The following ABCA5 variants were observed in gnomAD, a reference collection of about 807,000 sequenced individuals.
ABCA5 encodes ATP binding cassette subfamily A member 5.
ABCA5 carries 163 observed loss-of-function variants against 206.0 expected under a neutral mutation model. That is an observed-to-expected ratio of 0.79 (90% CI 0.70 to 0.90). The LOEUF (loss-of-function observed/expected upper bound fraction) is 0.90. ABCA5 is among the 40% of genes least tolerant of loss of function. The pLI is 0.00. For synonymous variants in ABCA5, 609 were observed against 613.8 expected (o/e 0.99, Z 0.11); for missense variants, 1,859 against 1,912.9 (o/e 0.97, Z 0.53).
At chr17:69,278,331 T>C (rs566464397) in intron 18 of ABCA5, among the ~76,000 whole-genome samples, 13 of 152,358 alleles carry the variant, frequency 8.5e-5, no homozygotes, top group Non-Finnish European at 1.3e-4. Flanking sequence ...CCAACTTTTA[T>C]GTGAACTTTT....
chr17:69,297,515 A>G (rs1477640421), intron 9 of ABCA5, among the ~76,000 whole-genome samples, 156 bp from the exon 10 acceptor site: 1 of 152,238 alleles, frequency 6.6e-6, no homozygotes, highest in Non-Finnish European at 1.5e-5. Context: ...ATAAATATAT[A>G]CAATTTTCAT....
At chr17:69,307,195 AT>A (rs2075727192) in intron 5 of ABCA5, among the ~76,000 whole-genome samples, 1 of 150,732 alleles carries the variant, frequency 6.6e-6, no homozygotes, top group African/African-American at 2.4e-5. Context: ...AAGTGTATAA[AT>A]TTTGATTAAA....
chr17:69,244,969 C>T lies in ABCA5; in HGVS notation c.*2568G>A, dbSNP rs1008631790. The T allele has an allele frequency of 1.3e-5, 2 of 150,512 alleles. No individual in the cohort carries two copies. The highest frequency in any genetic ancestry group is 3.0e-5 in the Non-Finnish European group (2 of 67,520). 9.3% of individuals were successfully genotyped at this position (150,512 alleles called of 1,614,324 possible). On this transcript the variant is annotated 3_prime_UTR_variant, in exon 39 of 39. Coordinates refer to ENST00000392676, the MANE Select transcript of ABCA5 (RefSeq NM_172232.4). ...TAAGTATCTATCTTACAGATCTCCACGATCTTACAGGGCCAAAACTGATAG... is the reference window on the plus strand; with the variant it reads ...TAAGTATCTATCTTACAGATCTCCATGATCTTACAGGGCCAAAACTGATAG...
At chr17:69,320,314 A>C (rs2075853088) in intron 1 of ABCA5, among the ~76,000 whole-genome samples, 1 of 152,190 alleles carries the variant, frequency 6.6e-6, no homozygotes, top group African/African-American at 2.4e-5. Context: ...TAGTGAGCTA[A>C]ATTGAAGCGT....
In ABCA5 at chr17:69,253,595, G is replaced by A. The variant is rs772643034; in HGVS notation, c.4393C>T (p.Pro1465Ser). 4 of 1,613,686 alleles carry A rather than the reference G, an allele frequency of 2.5e-6. No homozygotes were observed. The South Asian group carries it at 4.4e-5, about 18-fold the overall frequency. Residue 1465 changes from proline (P) to serine (S), a missense_variant, in exon 34 of 39, where the codon CCC (proline) becomes TCC (serine). Coordinates refer to ENST00000392676, the MANE Select transcript of ABCA5 (RefSeq NM_172232.4). The stretch of plus-strand genomic sequence containing the variant: ...CACCACATGTGCTGTTTGGCTTTGG[G>A]ATCCATACCTGTAGATGGTTCATCT... ...LLDEPSTGMD[P>S]KAKQHMWRAI... is the part of the protein sequence containing the mutation.
intron 1 of ABCA5, chr17:69,319,014 G>A: frequency 2.2e-6 from 1 of 447,168 alleles, no homozygotes; most frequent in Admixed American, 3.2e-5. Context: ...AAAAGGGCCT[G>A]TTTTACTATG....
intron 15 of ABCA5, 94 bp downstream of exon 15, chr17:69,287,519 G>A: frequency 7.1e-7 from 1 of 1,414,256 alleles, no homozygotes; most frequent in Non-Finnish European, 9.4e-7. Flanking sequence ...CTAGGTAAAA[G>A]CTTCTCTATT....
chr17:69,255,577 A>G lies in ABCA5; in HGVS notation c.4034T>C (p.Ile1345Thr). ...AGTTGGTTCAATATCACCAACCAGAATATTAATAATTGTGCTTTTGCCAGC... is the reference window on the plus strand; with the variant it reads ...AGTTGGTTCAATATCACCAACCAGAGTATTAATAATTGTGCTTTTGCCAGC... ...NGAGKSTIIN[I>T]LVGDIEPTSG... is the part of the protein sequence containing the mutation. The change falls in exon 31 of 39, where the codon ATT becomes ACT. Residue 1345 changes from isoleucine (I) to threonine (T), a missense_variant. Ile to Thr is a moderately conservative substitution (Grantham distance 89). Transcript: ENST00000392676. 1 of 1,581,636 alleles carries G rather than the reference A, an allele frequency of 6.3e-7. No homozygotes were observed. Among genetic ancestry groups the G allele is most frequent in the African/African-American group, 1.4e-5 (1 of 73,226 alleles).
At chr17:69,296,319 T>C (rs2075583230) in intron 10 of ABCA5, among the ~76,000 whole-genome samples, 1 of 152,218 alleles carries the variant, frequency 6.6e-6, no homozygotes, top group African/African-American at 2.4e-5. Context: ...TTTTACATTT[T>C]TCTTAAATTT....
intron 1 of ABCA5, among the ~76,000 whole-genome samples, chr17:69,319,771 A>G (rs1416243701): frequency 6.6e-6 from 1 of 152,156 alleles, no homozygotes; most frequent in East Asian, 1.9e-4. Context: ...ATATATTTTC[A>G]TTTTCACTTA....
chr17:69,316,679 G>A lies in ABCA5; in HGVS notation c.-15-2249C>T, dbSNP rs76344445. Among the ~76,000 whole-genome samples the A allele has an allele frequency of 3.3e-5, 5 of 151,096 alleles. No individual in the cohort carries two copies. In the East Asian group the frequency reaches 9.7e-4, roughly 29 times the overall value. On this transcript the variant is annotated intron_variant, in intron 1 of 38. Transcript: ENST00000392676. ...TAAACACATAAGTTTCAAGAAAGTT[G>A]GTGAAGCCCAGAAAACATAAAGAAA...
At chr17:69,250,691 T>A in intron 35 of ABCA5, 70 bp from the exon 36 acceptor site, 1 of 1,164,484 alleles carries the variant, frequency 8.6e-7, no homozygotes, top group South Asian at 1.6e-5. Flanking sequence ...CTCACACATA[T>A]AACTACATTT....
intron 9 of ABCA5, among the ~76,000 whole-genome samples, chr17:69,299,600 T>C (rs1023560979): frequency 7.9e-5 from 12 of 151,486 alleles, no homozygotes; most frequent in African/African-American, 2.7e-4. Flanking sequence ...AACTCAGGAA[T>C]AGAAAACCAA....
intron 11 of ABCA5, among the ~76,000 whole-genome samples, chr17:69,294,032 T>C (rs1166851314): frequency 6.6e-6 from 1 of 152,058 alleles, no homozygotes; most frequent in Non-Finnish European, 1.5e-5. Context: ...AACCCTACGA[T>C]AGGCCAAATG....
rs199955824 is a variant in ABCA5 at position 69,287,670 on chromosome 17, C to T, written c.1984G>A (p.Ala662Thr). 6.2e-7 allele frequency: 1 copy of T among 1,613,940 alleles called. No homozygotes were observed. Among genetic ancestry groups the T allele is most frequent in the Non-Finnish European group, 8.5e-7 (1 of 1,179,908 alleles). ...IVWNLLKYRK[A>T]NRVTVFSTHF... ...GTACTGAACACTGTCACCCGATTGG[C>T]TTTTCTGTATTTTAAAAGATTCCAT... Residue 662 changes from alanine (A) to threonine (T), a missense_variant, in exon 15 of 39, where the codon GCC becomes ACC. Ala to Thr is a moderately conservative substitution (Grantham distance 58). Coordinates refer to ENST00000392676, the MANE Select transcript of ABCA5 (RefSeq NM_172232.4).
chr17:69,312,921 C>T (rs1010542), intron 3 of ABCA5, among the ~76,000 whole-genome samples, 171 bp downstream of exon 3: 1 of 151,738 alleles, frequency 6.6e-6, no homozygotes, highest in Non-Finnish European at 1.5e-5. Flanking sequence ...TAATGTTTCA[C>T]AAGAAAAATA....
At chr17:69,294,933 T>C (rs1440377856) in intron 10 of ABCA5, among the ~76,000 whole-genome samples, 3 of 152,120 alleles carry the variant, frequency 2.0e-5, no homozygotes, top group African/African-American at 4.8e-5. Context: ...CCACACATAG[T>C]TGAAAATACA....
chr17:69,296,145 C>T (rs1251191698), intron 10 of ABCA5, among the ~76,000 whole-genome samples: 1 of 152,028 alleles, frequency 6.6e-6, no homozygotes, highest in African/African-American at 2.4e-5. Flanking sequence ...CATGTCAGCA[C>T]AAATTTCAAA....
chr17:69,319,181 C>G (rs2075843285), intron 1 of ABCA5, among the ~76,000 whole-genome samples: 1 of 152,172 alleles, frequency 6.6e-6, no homozygotes, highest in Non-Finnish European at 1.5e-5. Flanking sequence ...AAGCTGTACT[C>G]ATTCAAGCAT....
Sources: gnomAD v4.1 joint callset for allele counts (sites outside exome capture counted in the v4.1 genomes callset) on GRCh38, gnomAD v4.1.1 for gene constraint, MANE v1.5 for transcripts, NCBI Gene and HGNC (gene_info 2026-07-23, HGNC 2026-07-21) for gene names.